Variants in CDH4 observed in about 807,000 individuals in gnomAD.
The protein encoded by CDH4 is cadherin-4.
In CDH4, 33 loss-of-function variants were observed where a neutral mutation model predicts 86.0. The ratio of observed to expected loss-of-function variants is 0.38; its 90% CI spans 0.29 to 0.51. CDH4 has a LOEUF of 0.51. Among genes scored for constraint, CDH4 ranks in the 20% least tolerant of loss-of-function variants. CDH4 has a pLI of 0.86. For synonymous variants in CDH4, 555 were observed against 549.4 expected (o/e 1.01, Z -0.14); for missense variants, 1,114 against 1,307.4 (o/e 0.85, Z 2.28).
chr20:61,430,617 T>C (rs1407998668), intron 2 of CDH4, among the ~76,000 whole-genome samples: 1 of 152,162 alleles, frequency 6.6e-6, no homozygotes, highest in Admixed American at 6.5e-5. Flanking sequence ...ATGGTGCGAT[T>C]AGAGGAGGTA....
chr20:61,292,587 T>C (rs1031431224), intron 2 of CDH4, among the ~76,000 whole-genome samples: 1 of 152,182 alleles, frequency 6.6e-6, no homozygotes, highest in African/African-American at 2.4e-5. Flanking sequence ...CAGAAGGTGC[T>C]GGTGGGCACA....
chr20:61,592,760 G>T (rs76970352), intron 2 of CDH4, among the ~76,000 whole-genome samples: 2 of 152,108 alleles, frequency 1.3e-5, no homozygotes, highest in East Asian at 3.9e-4. Context: ...GCACACTGCC[G>T]TCATGGTTCA....
At chr20:61,490,715 A>G (rs2427134) in intron 2 of CDH4, among the ~76,000 whole-genome samples, 96,545 of 151,658 alleles carry the variant, frequency 0.64, 32,165 homozygotes, top group African/African-American at 0.84. Flanking sequence ...AAAAAGTTAC[A>G]GTGTTTGCCT....
At chr20:61,363,815 A>T (rs2084797116) in intron 2 of CDH4, among the ~76,000 whole-genome samples, 1 of 152,202 alleles carries the variant, frequency 6.6e-6, no homozygotes, top group Non-Finnish European at 1.5e-5. Flanking sequence ...TAGATATAGA[A>T]ATCGTTACAG....
At chr20:61,358,306 G>A (rs2084764202) in intron 2 of CDH4, among the ~76,000 whole-genome samples, 1 of 152,118 alleles carries the variant, frequency 6.6e-6, no homozygotes, top group Non-Finnish European at 1.5e-5. Flanking sequence ...TATTTCCCGA[G>A]GCACCAAGCC....
intron 2 of CDH4, among the ~76,000 whole-genome samples, chr20:61,294,441 C>A (rs1317137298): frequency 6.6e-6 from 1 of 152,158 alleles, no homozygotes; most frequent in Non-Finnish European, 1.5e-5. Flanking sequence ...CCGACTCGGC[C>A]CATCCTACTC....
At chr20:61,531,633 G>A (rs2145641816) in intron 2 of CDH4, among the ~76,000 whole-genome samples, 1 of 152,318 alleles carries the variant, frequency 6.6e-6, no homozygotes, top group African/African-American at 2.4e-5. Flanking sequence ...TTTTCTGGAT[G>A]GCATTCACGG....
At chr20:61,858,822 G>A (rs565836131) in intron 6 of CDH4, among the ~76,000 whole-genome samples, 1 of 152,170 alleles carries the variant, frequency 6.6e-6, no homozygotes, top group African/African-American at 2.4e-5. Flanking sequence ...GATGGACGCT[G>A]GGCAGTTTCA....
chr20:61,747,816 G>T (rs2088436192), intron 3 of CDH4, among the ~76,000 whole-genome samples: 1 of 152,132 alleles, frequency 6.6e-6, no homozygotes, highest in Non-Finnish European at 1.5e-5. Context: ...GCAATATGAG[G>T]GGGAGAGAGA....
At chr20:61,699,055 G>A (rs1051600205) in intron 2 of CDH4, among the ~76,000 whole-genome samples, 2 of 152,250 alleles carry the variant, frequency 1.3e-5, no homozygotes, top group Admixed American at 6.5e-5. Flanking sequence ...CATGTGGAAC[G>A]TGTTTACAGT....
At chr20:61,752,329 CAAAAAAA>C (rs34828485) in intron 3 of CDH4, among the ~76,000 whole-genome samples, 24 of 83,144 alleles carry the variant, frequency 2.9e-4, no homozygotes, top group Middle Eastern at 6.9e-3. Context: ...AAAAGCCTGT[CAAAAAAA>C]AAAAAAAAAA....
At chr20:61,638,343 C>T (rs753930273) in intron 2 of CDH4, among the ~76,000 whole-genome samples, 19 of 152,288 alleles carry the variant, frequency 1.2e-4, no homozygotes, top group Admixed American at 2.6e-4. Context: ...TGTGTGGTGG[C>T]TTTCTAGGGA....
intron 2 of CDH4, among the ~76,000 whole-genome samples, chr20:61,609,919 A>G (rs563679840): frequency 6.6e-6 from 1 of 152,330 alleles, no homozygotes; most frequent in Non-Finnish European, 1.5e-5. Context: ...TGTTACATGT[A>G]TACAGTGTGC....
At chr20:61,429,319 C>T (rs767173217) in intron 2 of CDH4, among the ~76,000 whole-genome samples, 9 of 152,048 alleles carry the variant, frequency 5.9e-5, no homozygotes, top group Non-Finnish European at 1.3e-4. Flanking sequence ...GAGGCAGCAT[C>T]CCACATTCAG....
At chr20:61,780,284 G>A (rs890739149) in intron 4 of CDH4, among the ~76,000 whole-genome samples, 2 of 152,020 alleles carry the variant, frequency 1.3e-5, no homozygotes, top group African/African-American at 4.8e-5. Flanking sequence ...GGTTTTCCCG[G>A]TGCACCCAAC....
At chr20:61,740,175 C>G (rs981473052) in intron 2 of CDH4, among the ~76,000 whole-genome samples, 1 of 152,182 alleles carries the variant, frequency 6.6e-6, no homozygotes, top group Non-Finnish European at 1.5e-5. Context: ...GAAAAGCCAG[C>G]TACGGTACTG....
Position 61,274,068 on chromosome 20 carries a change from A to T in CDH4, c.169+19131A>T, listed in dbSNP as rs1444624468. ...AGTACCATGTGTAGTTTGGGGAAGT[A>T]CTGGGGGAGTACTGTGTGCAGTTTT... On this transcript the variant is annotated intron_variant, in intron 2 of 15. Coordinates refer to ENST00000614565, the MANE Select transcript of CDH4 (RefSeq NM_001794.5). Among the ~76,000 whole-genome samples the T allele has an allele frequency of 6.3e-4, 64 of 100,792 alleles. 1 individual carries two copies. The highest frequency in any genetic ancestry group is 1.1e-3 in the Non-Finnish European group (59 of 51,804). 66.1% of individuals were successfully genotyped at this position (100,792 alleles called of 152,430 possible). A position where few individuals can be genotyped will look rare whatever the true frequency, so the allele number is the denominator to read the frequency against.
intron 2 of CDH4, among the ~76,000 whole-genome samples, chr20:61,691,270 T>C (rs2087649707): frequency 6.6e-6 from 1 of 151,934 alleles, no homozygotes; most frequent in Non-Finnish European, 1.5e-5. Flanking sequence ...TGTGCAAGTG[T>C]GTGTATGTGC....
intron 2 of CDH4, among the ~76,000 whole-genome samples, chr20:61,682,448 AGGG>A (rs1201271891): frequency 4.9e-5 from 2 of 40,798 alleles, no homozygotes; most frequent in African/African-American, 9.6e-5. Flanking sequence ...GGGTGGGAGA[AGGG>A]GAGGGAGGGA....
Sources: gnomAD v4.1 joint callset for allele counts (sites outside exome capture counted in the v4.1 genomes callset) on GRCh38, gnomAD v4.1.1 for gene constraint, MANE v1.5 for transcripts, NCBI Gene and HGNC (gene_info 2026-07-23, HGNC 2026-07-21) for gene names.